KIF3B: variants seen among roughly 807,000 people sequenced by gnomAD.
The protein encoded by KIF3B is kinesin family member 3B, also known as kinesin-like protein KIF3B.
KIF3B carries 38 observed loss-of-function variants against 74.3 expected under a neutral mutation model. The ratio of observed to expected loss-of-function variants is 0.51; its 90% CI spans 0.39 to 0.67. The LOEUF is 0.67. Ranked by LOEUF, KIF3B falls within the 30% of genes least tolerant of loss-of-function variation. The probability of loss-of-function intolerance (pLI) is 0.00; values close to 1 mark genes in which losing one functional copy is unlikely to be tolerated. For missense variants in KIF3B, 649 were observed against 932.0 expected, an observed-to-expected ratio of 0.70 and a Z score of 3.95; for synonymous variants, 326 against 342.5, an observed-to-expected ratio of 0.95 and a Z score of 0.53.
chr20:32,316,304 G>C lies in KIF3B; in HGVS notation c.1491G>C (p.Gln497His), dbSNP rs1216853238. 1 of 1,612,068 alleles carries C rather than the reference G, an allele frequency of 6.2e-7. No individual in the cohort carries two copies. The change falls in exon 3 of 9, where the codon CAG becomes CAC. Residue 497 changes from glutamine (Q) to histidine (H), a missense_variant. Gln to His is a conservative substitution (Grantham distance 24). This residue lies in a region of KIF3B where 363 missense variants were observed against 592.8 expected (regional missense o/e 0.61). Transcript: ENST00000375712. ...AGAAAATCCTGGAGCAGAAACGACA[G>C]GAAATTGCAGAGCAGGTAACTTTTC... ...EQQKILEQKR[Q>H]EIAEQKRRER...
intron 1 of KIF3B, among the ~76,000 whole-genome samples, chr20:32,305,198 T>TA (rs2047764098): frequency 1.3e-5 from 2 of 151,614 alleles, no homozygotes; most frequent in Admixed American, 1.3e-4. Flanking sequence ...TACATGTTTT[T>TA]AAAAATCCCT....
At chr20:32,331,155 A>C in intron 8 of KIF3B, 68 bp from the exon 9 acceptor site, 2 of 1,143,892 alleles carry the variant, frequency 1.7e-6, no homozygotes, top group Admixed American at 1.9e-5. Flanking sequence ...ATGAAATGTT[A>C]ATGACATCTG....
At chr20:32,320,536 A>G (rs1231967532) in intron 5 of KIF3B, among the ~76,000 whole-genome samples, 1 of 127,992 alleles carries the variant, frequency 7.8e-6, no homozygotes, top group Non-Finnish European at 1.6e-5. Flanking sequence ...TTTTTTTTTT[A>G]GAGATAAGGC....
chr20:32,322,776 A>ATTTATATTTATT (rs1464753710), intron 5 of KIF3B, among the ~76,000 whole-genome samples: 1 of 32,178 alleles, frequency 3.1e-5, no homozygotes, highest in Non-Finnish European at 4.5e-5. Flanking sequence ...ATTTATATAT[A>ATTTATATTTATT]TATTTATATA....
chr20:32,294,889 C>T lies in KIF3B; in HGVS notation c.-65-14824C>T, dbSNP rs930679693. Among the ~76,000 whole-genome samples the T allele has an allele frequency of 6.6e-5, 10 of 152,152 alleles. 1 individual carries two copies. The highest frequency in any genetic ancestry group is 2.4e-4 in the African/African-American group (10 of 41,424). ...CCTTTTTCTTCACTCAGCAATATGT[C>T]TTGAATATTGCCCATATCTAAATAC... On this transcript the variant is annotated intron_variant, in intron 1 of 8. Coordinates refer to ENST00000375712, the MANE Select transcript of KIF3B (RefSeq NM_004798.4).
chr20:32,291,340 A>G (rs2122662210), intron 1 of KIF3B, among the ~76,000 whole-genome samples: 1 of 152,170 alleles, frequency 6.6e-6, no homozygotes. Context: ...GGAAAATCCC[A>G]ATTATGCATA....
At chr20:32,326,639 A>G (rs2047904907) in intron 5 of KIF3B, 132 bp from the exon 6 acceptor site, 3 of 597,432 alleles carry the variant, frequency 5.0e-6, no homozygotes, top group South Asian at 4.1e-5. Context: ...TGTTAGGCCC[A>G]TCGTACTTGC....
chr20:32,322,748 A>ATATATATATT (rs1167543441), intron 5 of KIF3B, among the ~76,000 whole-genome samples: 1 of 32,448 alleles, frequency 3.1e-5, no homozygotes, highest in Non-Finnish European at 4.6e-5. Flanking sequence ...ATATTTATTT[A>ATATATATATT]TATATATATT....
intron 1 of KIF3B, among the ~76,000 whole-genome samples, chr20:32,296,021 C>T (rs1257580723): frequency 2.0e-5 from 3 of 151,854 alleles, no homozygotes; most frequent in South Asian, 4.1e-4. Context: ...CCTGCCACCA[C>T]GCCCGGCTAA....
At chr20:32,318,730 A>G (rs1211169563) in intron 5 of KIF3B, among the ~76,000 whole-genome samples, 1 of 152,204 alleles carries the variant, frequency 6.6e-6, no homozygotes, top group Non-Finnish European at 1.5e-5. Flanking sequence ...TTTTCAGTTT[A>G]TATACATTCC....
chr20:32,315,568 C>T (rs1174650224), intron 2 of KIF3B, among the ~76,000 whole-genome samples: 2 of 152,114 alleles, frequency 1.3e-5, no homozygotes, highest in Non-Finnish European at 1.5e-5. Flanking sequence ...AACCAATCAG[C>T]CAAGTGTGGT....
chr20:32,295,448 A>G (rs1319294362), intron 1 of KIF3B, among the ~76,000 whole-genome samples: 1 of 151,900 alleles, frequency 6.6e-6, no homozygotes, highest in Non-Finnish European at 1.5e-5. Context: ...GCCCGCCATC[A>G]TGCCCAGCTA....
intron 6 of KIF3B, among the ~76,000 whole-genome samples, chr20:32,327,089 G>A (rs1420417339): frequency 6.6e-6 from 1 of 152,162 alleles, no homozygotes; most frequent in East Asian, 1.9e-4. Context: ...TAGGAATTGG[G>A]AGACTTTGTC....
intron 1 of KIF3B, among the ~76,000 whole-genome samples, chr20:32,293,452 A>G (rs1454341513): frequency 2.6e-5 from 4 of 152,004 alleles, no homozygotes; most frequent in Non-Finnish European, 5.9e-5. Flanking sequence ...CTCTACAAAA[A>G]ATAAAAACAA....
At chr20:32,286,228 G>A (rs1289309519) in intron 1 of KIF3B, among the ~76,000 whole-genome samples, 2 of 152,210 alleles carry the variant, frequency 1.3e-5, no homozygotes, top group African/African-American at 4.8e-5. Flanking sequence ...ACCTTCAGCA[G>A]TGCTTTCAGG....
At position 32,281,078 on chromosome 20, in the gene KIF3B, A is replaced by G. The variant is rs77901391; in HGVS notation, c.-66+3313A>G. ...ATTAATTCGCAAGTCCCTGAGAAAG[A>G]CCCCGTCTTATGTAACAGAGAGTAG... On this transcript the variant is annotated intron_variant, in intron 1 of 8. Coordinates refer to ENST00000375712, the MANE Select transcript of KIF3B (RefSeq NM_004798.4). 8.9e-4 allele frequency among the ~76,000 whole-genome samples: 136 copies of G among 152,234 alleles called. 3 individuals carry two copies. The East Asian group carries it at 0.026, about 29-fold the overall frequency.
At chr20:32,278,907 C>T (rs576054939) in intron 1 of KIF3B, among the ~76,000 whole-genome samples, 132 of 148,802 alleles carry the variant, frequency 8.9e-4, no homozygotes, top group South Asian at 3.6e-3. Flanking sequence ...AAGGGAAGGA[C>T]CTGCTTAAGA....
At chr20:32,295,981 C>T (rs2122669022) in intron 1 of KIF3B, among the ~76,000 whole-genome samples, 1 of 150,472 alleles carries the variant, frequency 6.6e-6, no homozygotes, top group South Asian at 2.1e-4. Flanking sequence ...TCTTCTGTCT[C>T]AGCCTCCCAA....
intron 1 of KIF3B, among the ~76,000 whole-genome samples, chr20:32,297,213 G>A (rs2047721132): frequency 6.6e-6 from 1 of 152,210 alleles, no homozygotes; most frequent in Non-Finnish European, 1.5e-5. Flanking sequence ...GCAGGTGGTT[G>A]CGTGATCTGA....
Sources: allele counts gnomAD v4.1 joint callset (sites outside exome capture counted in the v4.1 genomes callset), GRCh38; gene constraint gnomAD v4.1.1; regional missense constraint gnomAD v4.1.1; transcripts MANE v1.5; gene names NCBI Gene and HGNC (gene_info 2026-07-23, HGNC 2026-07-21).